The following EYS variants were observed in gnomAD, a reference collection of about 807,000 sequenced individuals.
EYS encodes protein eyes shut homolog.
In EYS, 250 loss-of-function variants were observed where a neutral mutation model predicts 282.1. The observed-to-expected ratio is 0.89, with a 90% CI of 0.80 to 0.98. The LOEUF (loss-of-function observed/expected upper bound fraction) is 0.98. EYS is among the 50% of genes least tolerant of loss of function. EYS has a pLI of 0.00. For missense variants in EYS, 4,016 were observed against 3,709.0 expected, an observed-to-expected ratio of 1.08 and a Z score of -2.15; for synonymous variants, 1,355 against 1,282.9, an observed-to-expected ratio of 1.06 and a Z score of -1.20.
chr6:64,885,430 T>C (rs1248036523), intron 19 of EYS, among the ~76,000 whole-genome samples: 2 of 151,688 alleles, frequency 1.3e-5, no homozygotes, highest in Non-Finnish European at 3.0e-5. Context: ...ACAAAATGTG[T>C]TTCTTAGTCA....
chr6:64,542,213 AT>A (rs1469399020), intron 26 of EYS, among the ~76,000 whole-genome samples: 2 of 152,184 alleles, frequency 1.3e-5, no homozygotes, highest in East Asian at 1.9e-4. Flanking sequence ...ATTCAAATAC[AT>A]TTTTTAATTT....
Position 65,346,151 on chromosome 6 carries a change from C to T in EYS, c.1460-1974G>A, listed in dbSNP as rs140067573. Among the ~76,000 whole-genome samples, 100 of 151,820 alleles carry T rather than the reference C, an allele frequency of 6.6e-4. 1 individual carries two copies. The East Asian group carries it at 0.014, about 21-fold the overall frequency. On this transcript the variant is annotated intron_variant, in intron 9 of 42. Transcript: ENST00000503581. ...GGTCCCCTAGCGAAAGCCTAGTTGC[C>T]ATCCTGCAACCCTGTCATAGAGCTC...
At chr6:65,070,991 T>G (rs1773887452) in intron 12 of EYS, among the ~76,000 whole-genome samples, 1 of 151,942 alleles carries the variant, frequency 6.6e-6, no homozygotes, top group Non-Finnish European at 1.5e-5. Flanking sequence ...GTCACTTTTT[T>G]ATTTCACAGT....
chr6:64,179,519 A>G (rs1440159166), intron 31 of EYS, among the ~76,000 whole-genome samples: 2 of 152,118 alleles, frequency 1.3e-5, no homozygotes, highest in African/African-American at 4.8e-5. Context: ...ACACGGCTTC[A>G]ATATTACATG....
chr6:64,549,651 G>C (rs575438141), intron 26 of EYS, among the ~76,000 whole-genome samples: 3 of 151,616 alleles, frequency 2.0e-5, no homozygotes, highest in Non-Finnish European at 4.4e-5. Flanking sequence ...TCAGAAGGTA[G>C]CTGACTCTTC....
intron 29 of EYS, among the ~76,000 whole-genome samples, chr6:64,355,080 T>C (rs2150405484): frequency 6.6e-6 from 1 of 151,702 alleles, no homozygotes; most frequent in Admixed American, 6.6e-5. Context: ...TTTCACTAAG[T>C]AAAAATACTC....
At chr6:64,988,417 T>A (rs1770939699) in intron 14 of EYS, among the ~76,000 whole-genome samples, 1 of 151,612 alleles carries the variant, frequency 6.6e-6, no homozygotes, top group Non-Finnish European at 1.5e-5. Flanking sequence ...GGGAAATCTC[T>A]GGAATCTGGG....
chr6:63,817,463 T>A (rs1771208000), intron 36 of EYS, among the ~76,000 whole-genome samples: 1 of 152,142 alleles, frequency 6.6e-6, no homozygotes, highest in South Asian at 2.1e-4. Context: ...TGGGGACCTG[T>A]TAAGTGGCAG....
chr6:64,914,566 T>A (rs1378658085), intron 15 of EYS, among the ~76,000 whole-genome samples: 1 of 151,976 alleles, frequency 6.6e-6, no homozygotes, highest in African/African-American at 2.4e-5. Context: ...GCCCCAGATA[T>A]ATCAAGGCCC....
chr6:65,509,521 T>C (rs139255275), intron 2 of EYS, among the ~76,000 whole-genome samples: 1 of 152,326 alleles, frequency 6.6e-6, no homozygotes, highest in African/African-American at 2.4e-5. Flanking sequence ...TTTGGTAAAA[T>C]AACTGTTCAA....
At chr6:65,542,503 GTGTGTGT>G (rs1373814043) in intron 2 of EYS, among the ~76,000 whole-genome samples, 4 of 151,454 alleles carry the variant, frequency 2.6e-5, no homozygotes, top group South Asian at 2.1e-4. Context: ...GTGTGTGTGT[GTGTGTGT>G]TATGTTTGGA....
intron 22 of EYS, among the ~76,000 whole-genome samples, chr6:64,709,693 G>A (rs1583066877): frequency 6.6e-6 from 1 of 152,216 alleles, no homozygotes; most frequent in Admixed American, 6.5e-5. Flanking sequence ...GTATGAAGGA[G>A]CTAGATGCCA....
rs529657748 is a variant in EYS, at chr6:63,730,184, A to G, written c.8072-3504T>C. Among the ~76,000 whole-genome samples the G allele has an allele frequency of 1.6e-4, 25 of 152,278 alleles. No homozygotes were observed. The South Asian group carries it at 5.2e-3, about 32-fold the overall frequency. On this transcript the variant is annotated intron_variant, in intron 41 of 42. Coordinates refer to ENST00000503581, the MANE Select transcript of EYS (RefSeq NM_001142800.2). ...TGCATTAATAGATTATAGCTGCATG[A>G]TATATTTCATATTTGCCCCATCTTT... is the stretch of plus-strand genomic sequence containing the variant.
At chr6:64,839,877 G>A (rs1045114113) in intron 19 of EYS, among the ~76,000 whole-genome samples, 3 of 152,094 alleles carry the variant, frequency 2.0e-5, no homozygotes, top group African/African-American at 7.2e-5. Flanking sequence ...TGAGGGAAGA[G>A]CCCTCATGAT....
intron 2 of EYS, among the ~76,000 whole-genome samples, chr6:65,522,387 A>T (rs1767405384): frequency 6.6e-6 from 1 of 152,118 alleles, no homozygotes. Context: ...GATCGCTTGA[A>T]AACAGTGGCT....
chr6:64,555,137 G>A (rs1410075129), intron 26 of EYS, among the ~76,000 whole-genome samples: 2 of 151,504 alleles, frequency 1.3e-5, no homozygotes, highest in East Asian at 1.9e-4. Context: ...ATTAACAGAT[G>A]AATGGATAAA....
At chr6:64,095,560 G>A (rs1413543273) in intron 31 of EYS, among the ~76,000 whole-genome samples, 2 of 152,070 alleles carry the variant, frequency 1.3e-5, no homozygotes, top group East Asian at 1.9e-4. Flanking sequence ...TGTTTTATCA[G>A]AGACTAGGAT....
intron 31 of EYS, among the ~76,000 whole-genome samples, chr6:64,160,693 C>T (rs1045238577): frequency 1.6e-4 from 24 of 152,144 alleles, no homozygotes; most frequent in African/African-American, 5.8e-4. Flanking sequence ...TCTTTTTGGC[C>T]ATGGGACGTT....
At chr6:65,253,717 G>A (rs184746248) in intron 12 of EYS, among the ~76,000 whole-genome samples, 2 of 151,802 alleles carry the variant, frequency 1.3e-5, no homozygotes, top group Admixed American at 1.3e-4. Flanking sequence ...CTATATTTGA[G>A]CTAGATTCAT....
Sources: allele counts gnomAD v4.1 joint callset (sites outside exome capture counted in the v4.1 genomes callset), GRCh38; gene constraint gnomAD v4.1.1; transcripts MANE v1.5; gene names NCBI Gene and HGNC (gene_info 2026-07-23, HGNC 2026-07-21).